Variants in SIK3 observed in about 807,000 individuals in gnomAD.
SIK3 encodes SIK family kinase 3.
A neutral mutation model predicts 144.2 loss-of-function variants in SIK3; 28 were observed. The ratio of observed to expected loss-of-function variants is 0.19; its 90% CI spans 0.14 to 0.27. The LOEUF is 0.27. SIK3 is among the 10% of genes least tolerant of loss of function. The probability of loss-of-function intolerance (pLI) is 1.00; values close to 1 mark genes in which losing one functional copy is unlikely to be tolerated. For missense variants in SIK3, 1,319 were observed against 1,776.0 expected (o/e 0.74, Z 4.62); for synonymous variants, 686 against 676.3 (o/e 1.01, Z -0.22).
At chr11:117,092,478 C>G (rs946415809) in intron 1 of SIK3, among the ~76,000 whole-genome samples, 20 of 152,154 alleles carry the variant, frequency 1.3e-4, no homozygotes, top group African/African-American at 4.6e-4. Context: ...CAGGGATTCT[C>G]TAGTCCGTTT....
chr11:116,945,426 T>C (rs1591392488), intron 3 of SIK3, among the ~76,000 whole-genome samples: 1 of 145,436 alleles, frequency 6.9e-6, no homozygotes, highest in Non-Finnish European at 1.5e-5. Flanking sequence ...AATTTCTCCA[T>C]GTTGCCCAGG....
At chr11:117,032,632 G>A (rs903149737) in intron 1 of SIK3, among the ~76,000 whole-genome samples, 3 of 150,904 alleles carry the variant, frequency 2.0e-5, no homozygotes, top group East Asian at 1.9e-4. Context: ...TCAGCCTCCC[G>A]AGTAGCTGGG....
intron 3 of SIK3, among the ~76,000 whole-genome samples, chr11:116,933,635 CCT>C (rs144913929): frequency 3.1e-4 from 46 of 147,934 alleles, no homozygotes; most frequent in Non-Finnish European, 3.0e-4. Flanking sequence ...TTTCTTCCTT[CCT>C]CTCTCTCTCT....
chr11:116,869,356 A>G (rs564635443), intron 14 of SIK3: 1 of 152,348 alleles, frequency 6.6e-6, no homozygotes, highest in East Asian at 1.9e-4. Context: ...CTAGCCAGCA[A>G]CTGGCAGGTT....
chr11:116,864,833 C>A (rs1438513965), intron 15 of SIK3: 1 of 152,270 alleles, frequency 6.6e-6, no homozygotes, highest in South Asian at 2.1e-4. Context: ...AACCACAGCT[C>A]AGGAAGCAGG....
chr11:116,894,568 A>G (rs551356653), intron 6 of SIK3, among the ~76,000 whole-genome samples: 2 of 152,350 alleles, frequency 1.3e-5, no homozygotes, highest in East Asian at 3.9e-4. Context: ...TATTGGAGCC[A>G]AAATACCTGG....
chr11:116,988,280 G>A (rs1950388221), intron 1 of SIK3, among the ~76,000 whole-genome samples: 2 of 152,082 alleles, frequency 1.3e-5, no homozygotes, highest in Admixed American at 1.3e-4. Flanking sequence ...CAGCTACTAG[G>A]GAGGCTAAGG....
intron 1 of SIK3, among the ~76,000 whole-genome samples, chr11:117,009,029 G>T (rs1035342042): frequency 6.6e-6 from 1 of 152,016 alleles, no homozygotes; most frequent in South Asian, 2.1e-4. Context: ...GAAGTCAGGA[G>T]ATCAAGACCA....
intron 6 of SIK3, among the ~76,000 whole-genome samples, chr11:116,895,041 C>T (rs1945322066): frequency 6.6e-6 from 1 of 152,158 alleles, no homozygotes; most frequent in African/African-American, 2.4e-5. Flanking sequence ...TACATCACTC[C>T]TGTCAAAACC....
intron 21 of SIK3, among the ~76,000 whole-genome samples, chr11:116,854,996 G>T (rs935574605): frequency 1.4e-5 from 2 of 145,370 alleles, no homozygotes; most frequent in African/African-American, 5.3e-5. Flanking sequence ...TGAGGCAGGA[G>T]AATCGCTTGA....
At chr11:117,053,039 C>T (rs757963257) in intron 1 of SIK3, among the ~76,000 whole-genome samples, 6 of 152,032 alleles carry the variant, frequency 3.9e-5, no homozygotes, top group Non-Finnish European at 7.4e-5. Context: ...GGGAAATATA[C>T]ACAAAAAAGT....
At chr11:116,892,182 C>T (rs954287926) in intron 6 of SIK3, among the ~76,000 whole-genome samples, 1 of 152,118 alleles carries the variant, frequency 6.6e-6, no homozygotes, top group Non-Finnish European at 1.5e-5. Flanking sequence ...AGTGAAGCTA[C>T]AGCAGTAAAT....
intron 1 of SIK3, among the ~76,000 whole-genome samples, chr11:117,077,506 G>A (rs1954603548): frequency 6.6e-6 from 1 of 152,128 alleles, no homozygotes; most frequent in African/African-American, 2.4e-5. Context: ...TTTCCTAATA[G>A]CTATTTGCTT....
At chr11:116,903,470 T>C (rs1945846034) in intron 4 of SIK3, among the ~76,000 whole-genome samples, 1 of 152,080 alleles carries the variant, frequency 6.6e-6, no homozygotes, top group Non-Finnish European at 1.5e-5. Context: ...AATTGAAAGA[T>C]CATCCAAGTT....
intron 3 of SIK3, 38 bp downstream of exon 3, chr11:116,954,006 C>A: frequency 6.4e-7 from 1 of 1,560,348 alleles, no homozygotes; most frequent in South Asian, 1.1e-5. Flanking sequence ...CCATAGTGTG[C>A]TCAATAGCTG....
intron 4 of SIK3, among the ~76,000 whole-genome samples, chr11:116,905,482 G>T (rs962723099): frequency 6.6e-6 from 1 of 152,180 alleles, no homozygotes; most frequent in African/African-American, 2.4e-5. Flanking sequence ...GAGTGGAACT[G>T]CTGGGTCATA....
chr11:116,950,563 T>G (rs983669031), intron 3 of SIK3, among the ~76,000 whole-genome samples: 1 of 152,230 alleles, frequency 6.6e-6, no homozygotes, highest in Non-Finnish European at 1.5e-5. Flanking sequence ...CGAAGTAACC[T>G]GATGTTAACT....
intron 5 of SIK3, 143 bp from the exon 6 acceptor site, chr11:116,896,519 A>C: frequency 4.8e-6 from 4 of 837,416 alleles, no homozygotes; most frequent in Non-Finnish European, 5.2e-6. Context: ...ACAGTTAACA[A>C]TCTTCTTTGC....
chr11:116,898,220 C>G (rs985936441), intron 4 of SIK3, among the ~76,000 whole-genome samples: 1 of 151,316 alleles, frequency 6.6e-6, no homozygotes, highest in African/African-American at 2.4e-5. Flanking sequence ...TGAGAACATG[C>G]GATGTTTGGT....
Sources: gnomAD v4.1 joint callset for allele counts (sites outside exome capture counted in the v4.1 genomes callset) on GRCh38, gnomAD v4.1.1 for gene constraint, MANE v1.5 for transcripts, NCBI Gene and HGNC (gene_info 2026-07-23, HGNC 2026-07-21) for gene names.